TINAG: variants seen among roughly 807,000 people sequenced by gnomAD.
The protein encoded by TINAG is tubulointerstitial nephritis antigen.
Under a neutral mutation model 72.7 loss-of-function variants are expected in TINAG, and 83 were observed. The observed-to-expected ratio is 1.14, with a 90% CI of 0.96 to 1.37. The LOEUF is 1.37. TINAG is among the 40% of genes most tolerant of loss of function. The pLI is 0.00. For synonymous variants in TINAG, 234 were observed against 189.9 expected (o/e 1.23, Z -1.91); for missense variants, 685 against 576.6 (o/e 1.19, Z -1.93).
chr6:54,362,097 A>G (rs777947464), intron 9 of TINAG, among the ~76,000 whole-genome samples: 2 of 151,704 alleles, frequency 1.3e-5, no homozygotes, highest in African/African-American at 2.4e-5. Context: ...AACTGCAGCA[A>G]GTTATCCAGA....
At chr6:54,347,545 A>G in intron 6 of TINAG, 28 bp downstream of exon 6, 1 of 1,608,434 alleles carries the variant, frequency 6.2e-7, no homozygotes, top group South Asian at 1.1e-5. Context: ...ATGTGTTTCT[A>G]GGATTTTTAT....
In TINAG at chr6:54,308,582, C is replaced by T. The variant is rs1250204846; in HGVS notation, c.32C>T (p.Ser11Phe). The change falls in exon 1 of 11, where the codon TCT becomes TTT. Residue 11 changes from serine to phenylalanine, a missense_variant. Transcript: ENST00000259782. Reference protein sequence around the residue: MWTGYKILIFSYLTTEIWMEK... With the variant: MWTGYKILIFFYLTTEIWMEK... ...ACCGGATATAAGATCTTAATCTTCT[C>T]TTATCTTACTACAGAAATCTGGATG... The T allele has an allele frequency of 1.9e-6, 3 of 1,612,796 alleles. No homozygotes were observed. In the South Asian group the frequency reaches 3.3e-5, roughly 18 times the overall value.
upstream of TINAG, chr6:54,308,081 T>C: frequency 6.5e-7 from 1 of 1,549,826 alleles, no homozygotes; most frequent in Non-Finnish European, 8.7e-7. Context: ...AGCCTGGATG[T>C]TCGTTTCAAT....
chr6:54,310,572 CTCTT>C (rs1470219405), intron 1 of TINAG, among the ~76,000 whole-genome samples: 3 of 148,204 alleles, frequency 2.0e-5, no homozygotes, highest in Non-Finnish European at 3.0e-5. Context: ...CCCTCCCTCT[CTCTT>C]TCTTCTCTTC....
chr6:54,316,695 C>T (rs924119304), intron 1 of TINAG, among the ~76,000 whole-genome samples: 1 of 152,040 alleles, frequency 6.6e-6, no homozygotes. Flanking sequence ...AAGTTTTGAC[C>T]AGCATAGATA....
At chr6:54,326,976 C>T in intron 4 of TINAG, 60 bp downstream of exon 4, 1 of 1,603,028 alleles carries the variant, frequency 6.2e-7, no homozygotes, top group East Asian at 2.3e-5. Context: ...TTTGTGTGTG[C>T]ATTAAAAGCA....
At chr6:54,310,022 C>A (rs745733167) in intron 1 of TINAG, among the ~76,000 whole-genome samples, 1 of 151,654 alleles carries the variant, frequency 6.6e-6, no homozygotes, top group South Asian at 2.1e-4. Context: ...CCCTTCTTCC[C>A]TCCCTCCACA....
intron 1 of TINAG, among the ~76,000 whole-genome samples, chr6:54,319,876 G>C (rs1784449798): frequency 6.6e-6 from 1 of 152,042 alleles, no homozygotes; most frequent in African/African-American, 2.4e-5. Context: ...TTTTCAAAAG[G>C]AATTTAAATT....
At chr6:54,313,385 C>T (rs1254891370) in intron 1 of TINAG, among the ~76,000 whole-genome samples, 2 of 152,102 alleles carry the variant, frequency 1.3e-5, no homozygotes, top group Non-Finnish European at 2.9e-5. Context: ...AGAACCTGCA[C>T]ATAGTACATA....
rs114497668 is a variant in TINAG at position 54,386,557 on chromosome 6, A to T, written c.1297-3234A>T. Among the ~76,000 whole-genome samples the T allele has an allele frequency of 4.1e-3, 619 of 152,282 alleles. 3 individuals are homozygous for T. The highest frequency in any genetic ancestry group is 0.017 in the Middle Eastern group (5 of 294). On this transcript the variant is annotated intron_variant, in intron 10 of 10. Transcript: ENST00000259782. The stretch of plus-strand genomic sequence containing the variant: ...TTCCTTCCATGTGGCTCCCTCACAC[A>T]GAGTTTTACAGATCCTCTCTCAACA...
At chr6:54,358,766 C>G (rs1387836981) in intron 9 of TINAG, among the ~76,000 whole-genome samples, 1 of 151,810 alleles carries the variant, frequency 6.6e-6, no homozygotes, top group African/African-American at 2.4e-5. Flanking sequence ...CATCATTTAG[C>G]CATCACCCCT....
chr6:54,327,232 G>A, intron 4 of TINAG: 2 of 1,485,836 alleles, frequency 1.3e-6, no homozygotes, highest in South Asian at 1.2e-5. Context: ...GATGATTTCT[G>A]CATTACCAAC....
chr6:54,319,498 G>A (rs1218084007), intron 1 of TINAG, among the ~76,000 whole-genome samples: 1 of 152,080 alleles, frequency 6.6e-6, no homozygotes, highest in Non-Finnish European at 1.5e-5. Flanking sequence ...ATATGAAAGG[G>A]ATGCCTAGAC....
At position 54,323,100 on chromosome 6, in the gene TINAG, A is replaced by T. The variant is rs145842112; in HGVS notation, c.509+1714A>T. On this transcript the variant is annotated intron_variant, in intron 3 of 10. Transcript: ENST00000259782. Reference sequence around the variant, plus strand: ...CCAACCTAATATCTTCCTTGGAAGGAGGAACTTTCTTTCCATGATTTATTT... The same window carrying T: ...CCAACCTAATATCTTCCTTGGAAGGTGGAACTTTCTTTCCATGATTTATTT... Among the ~76,000 whole-genome samples the T allele has an allele frequency of 3.8e-3, 577 of 152,338 alleles. 6 individuals carry two copies. Among genetic ancestry groups the T allele is most frequent in the African/African-American group, 0.013 (547 of 41,588 alleles).
At chr6:54,376,246 T>C (rs1004484582) in intron 9 of TINAG, among the ~76,000 whole-genome samples, 1 of 152,176 alleles carries the variant, frequency 6.6e-6, no homozygotes, top group African/African-American at 2.4e-5. Flanking sequence ...CAGAATTCTA[T>C]CTATTTATAT....
At chr6:54,313,921 A>G (rs1161786198) in intron 1 of TINAG, among the ~76,000 whole-genome samples, 1 of 152,140 alleles carries the variant, frequency 6.6e-6, no homozygotes, top group African/African-American at 2.4e-5. Context: ...GGAGTAATCG[A>G]TAGTATTTAA....
intron 4 of TINAG, chr6:54,327,250 C>T: frequency 7.0e-7 from 1 of 1,418,888 alleles, no homozygotes; most frequent in East Asian, 3.0e-5. Context: ...AACTGAGGTA[C>T]ACGGTTCATC....
intron 4 of TINAG, among the ~76,000 whole-genome samples, chr6:54,329,393 G>T (rs1238697279): frequency 6.6e-6 from 1 of 152,238 alleles, no homozygotes; most frequent in African/African-American, 2.4e-5. Context: ...AAGTGAAAGA[G>T]AAATAAAATC....
chr6:54,349,098 AGATAATACACATGTCT>A (rs1785199223), intron 6 of TINAG, among the ~76,000 whole-genome samples: 1 of 151,934 alleles, frequency 6.6e-6, no homozygotes, highest in Non-Finnish European at 1.5e-5. Flanking sequence ...TTTCTCTTTT[AGATAATACACATGTCT>A]GATAGTTTTC....
Sources: allele counts gnomAD v4.1 joint callset (sites outside exome capture counted in the v4.1 genomes callset), GRCh38; gene constraint gnomAD v4.1.1; transcripts MANE v1.5; gene names NCBI Gene and HGNC (gene_info 2026-07-23, HGNC 2026-07-21).